UIMC1: variants seen among roughly 807,000 people sequenced by gnomAD.
The protein encoded by UIMC1 is BRCA1-A complex subunit RAP80.
In UIMC1, 42 loss-of-function variants were observed where a neutral mutation model predicts 84.9. The observed-to-expected ratio is 0.49, with a 90% CI of 0.39 to 0.64. The LOEUF is 0.64. UIMC1 is among the 30% of genes least tolerant of loss of function. The probability of loss-of-function intolerance (pLI) is 0.00; values close to 1 mark genes in which losing one functional copy is unlikely to be tolerated. For missense variants in UIMC1, 825 were observed against 847.6 expected, an observed-to-expected ratio of 0.97 and a Z score of 0.33; for synonymous variants, 281 against 293.0, an observed-to-expected ratio of 0.96 and a Z score of 0.42.
intron 8 of UIMC1, among the ~76,000 whole-genome samples, chr5:176,954,747 CAAAAAAAAAA>C (rs79682515): frequency 3.1e-5 from 2 of 63,998 alleles, no homozygotes; most frequent in Non-Finnish European, 6.4e-5. Context: ...AACTCTGTCT[CAAAAAAAAAA>C]AAAAAAGAAA....
At chr5:176,935,392 T>G (rs1361164005) in intron 10 of UIMC1, among the ~76,000 whole-genome samples, 1 of 152,204 alleles carries the variant, frequency 6.6e-6, no homozygotes, top group Non-Finnish European at 1.5e-5. Context: ...TATTTGTATG[T>G]CCCTTAGTAG....
At chr5:176,958,472 A>T (rs1454797318) in intron 6 of UIMC1, among the ~76,000 whole-genome samples, 1 of 152,244 alleles carries the variant, frequency 6.6e-6, no homozygotes, top group Non-Finnish European at 1.5e-5. Flanking sequence ...AATGTACACA[A>T]TGCACTTCAT....
chr5:176,920,088 C>G (rs987009662), intron 10 of UIMC1, among the ~76,000 whole-genome samples: 6 of 152,128 alleles, frequency 3.9e-5, no homozygotes, highest in African/African-American at 1.4e-4. Flanking sequence ...ATGGTGCGAT[C>G]TTGGCACACC....
chr5:176,994,960 T>G (rs1419122773), intron 1 of UIMC1, among the ~76,000 whole-genome samples: 4 of 139,292 alleles, frequency 2.9e-5, no homozygotes, highest in African/African-American at 5.6e-5. Context: ...TGGGGCGGGG[T>G]GTGGGGGGCA....
At chr5:176,987,724 T>G (rs1477188056) in intron 1 of UIMC1, among the ~76,000 whole-genome samples, 3 of 151,426 alleles carry the variant, frequency 2.0e-5, no homozygotes, top group Non-Finnish European at 4.4e-5. Flanking sequence ...CTTGGCAGGC[T>G]AAGGAGGAGG....
At chr5:176,924,328 A>AT (rs1762118577) in intron 10 of UIMC1, among the ~76,000 whole-genome samples, 1 of 151,978 alleles carries the variant, frequency 6.6e-6, no homozygotes, top group South Asian at 2.1e-4. Context: ...CAAAAAAAAA[A>AT]AAATAATAAA....
intron 1 of UIMC1, among the ~76,000 whole-genome samples, chr5:177,021,731 C>T (rs1021618609): frequency 6.6e-6 from 1 of 152,048 alleles, no homozygotes; most frequent in Non-Finnish European, 1.5e-5. Flanking sequence ...CGGCTCACAG[C>T]AACCTCTGCC....
At chr5:176,972,907 T>C (rs1489958132) in intron 3 of UIMC1, among the ~76,000 whole-genome samples, 1 of 141,514 alleles carries the variant, frequency 7.1e-6, no homozygotes, top group Admixed American at 7.0e-5. Flanking sequence ...TACCAGTAAG[T>C]CTGGCAACTT....
At chr5:176,930,239 T>G (rs1762919243) in intron 10 of UIMC1, among the ~76,000 whole-genome samples, 1 of 152,190 alleles carries the variant, frequency 6.6e-6, no homozygotes, top group South Asian at 2.1e-4. Context: ...AAAATTATAT[T>G]ACCTTTATCT....
intron 10 of UIMC1, among the ~76,000 whole-genome samples, chr5:176,914,913 A>G (rs1760773351): frequency 6.6e-6 from 1 of 152,224 alleles, no homozygotes; most frequent in Non-Finnish European, 1.5e-5. Flanking sequence ...CTTATGTACG[A>G]GGACTTCATG....
At chr5:176,993,343 A>G (rs1773150164) in intron 1 of UIMC1, among the ~76,000 whole-genome samples, 1 of 151,994 alleles carries the variant, frequency 6.6e-6, no homozygotes, top group South Asian at 2.1e-4. Context: ...GTGCCACCAC[A>G]CCCAGCTAAT....
rs1411904474 is a variant in UIMC1, at chr5:176,923,870, A to AT, written c.1598-12482_1598-12481insA. Among the ~76,000 whole-genome samples, 281 of 117,588 alleles carry AT rather than the reference A, an allele frequency of 2.4e-3. 1 individual carries two copies. The highest frequency in any genetic ancestry group is 4.0e-3 in the Non-Finnish European group (225 of 56,012). 77.1% of individuals were successfully genotyped at this position (117,588 alleles called of 152,430 possible). The stretch of plus-strand genomic sequence containing the variant: ...CAGAGCAAGACTCTGTCTCAAAAAA[A>AT]AAAAATATATATATATATACACACA... On this transcript the variant is annotated intron_variant, in intron 10 of 14. Coordinates refer to ENST00000511320, the MANE Select transcript of UIMC1 (RefSeq NM_001199298.2).
At chr5:176,971,113 C>T (rs1459326514) in intron 3 of UIMC1, among the ~76,000 whole-genome samples, 1 of 152,202 alleles carries the variant, frequency 6.6e-6, no homozygotes, top group Non-Finnish European at 1.5e-5. Flanking sequence ...TTTTTACCTA[C>T]ACTGTTCACT....
intron 1 of UIMC1, among the ~76,000 whole-genome samples, chr5:177,011,793 T>C (rs369892929): frequency 6.6e-6 from 1 of 151,570 alleles, no homozygotes; most frequent in African/African-American, 2.4e-5. Context: ...ACATAAATTG[T>C]GAAGATTTAA....
At chr5:176,972,372 G>A (rs1269731397) in intron 3 of UIMC1, among the ~76,000 whole-genome samples, 1 of 150,692 alleles carries the variant, frequency 6.6e-6, no homozygotes, top group Non-Finnish European at 1.5e-5. Flanking sequence ...CTGCACTCCA[G>A]CCTAGGCAAC....
Position 176,927,254 on chromosome 5 carries a change from ATTTC to A in UIMC1, c.1598-15869_1598-15866del, listed in dbSNP as rs574023113. Among the ~76,000 whole-genome samples, 13 of 149,892 alleles carry A rather than the reference ATTTC, an allele frequency of 8.7e-5. No homozygotes were observed. The South Asian group carries it at 2.8e-3, about 32-fold the overall frequency. On this transcript the variant is annotated intron_variant, in intron 10 of 14. Coordinates refer to ENST00000511320, the MANE Select transcript of UIMC1 (RefSeq NM_001199298.2). Reference sequence around the variant, plus strand: ...CCAGTAGTGTGTCACAGACCCATGAATTTCTTTATTTTTTTTGGAGATGGAGTCT... The same window carrying A: ...CCAGTAGTGTGTCACAGACCCATGAATTTATTTTTTTTGGAGATGGAGTCT...
At chr5:176,974,572 A>G (rs1769763860) in intron 3 of UIMC1, among the ~76,000 whole-genome samples, 2 of 152,152 alleles carry the variant, frequency 1.3e-5, no homozygotes, top group South Asian at 4.1e-4. Flanking sequence ...CTAGCCAGGC[A>G]TGGTGGCTCA....
At chr5:177,017,081 G>A (rs1775689591) in intron 1 of UIMC1, among the ~76,000 whole-genome samples, 1 of 152,208 alleles carries the variant, frequency 6.6e-6, no homozygotes, top group South Asian at 2.1e-4. Context: ...AGAAGCCTGA[G>A]AAGTGGACTA....
At chr5:177,007,027 C>A (rs185518304), upstream of UIMC1, among the ~76,000 whole-genome samples, 10 of 152,166 alleles carry the variant, frequency 6.6e-5, no homozygotes, top group African/African-American at 2.2e-4. Context: ...ATTTTATGAC[C>A]CAGCAATTTC....
Sources: allele counts gnomAD v4.1 joint callset (sites outside exome capture counted in the v4.1 genomes callset), GRCh38; gene constraint gnomAD v4.1.1; transcripts MANE v1.5; gene names NCBI Gene and HGNC (gene_info 2026-07-23, HGNC 2026-07-21).